SLC16A7: variants seen among roughly 807,000 people sequenced by gnomAD.
SLC16A7 encodes the protein solute carrier family 16 member 7, also known as monocarboxylate transporter 2.
Under a neutral mutation model 34.9 loss-of-function variants are expected in SLC16A7, and 33 were observed. That is an observed-to-expected ratio of 0.94 (90% CI 0.72 to 1.26). The LOEUF is 1.26. Ranked by LOEUF, SLC16A7 falls within the 50% of genes most tolerant of loss-of-function variation. The pLI is 0.00. For synonymous variants in SLC16A7, 201 were observed against 206.6 expected (o/e 0.97, Z 0.23); for missense variants, 573 against 578.1 (o/e 0.99, Z 0.09).
intron 1 of SLC16A7, among the ~76,000 whole-genome samples, chr12:59,638,148 T>A (rs1880520210): frequency 6.6e-6 from 1 of 152,082 alleles, no homozygotes; most frequent in Non-Finnish European, 1.5e-5. Context: ...TGGATAAAAG[T>A]ATGGGTAAAA....
intron 2 of SLC16A7, among the ~76,000 whole-genome samples, chr12:59,670,864 G>T (rs1020019942): frequency 1.3e-5 from 2 of 152,180 alleles, no homozygotes; most frequent in South Asian, 4.1e-4. Context: ...ACCCTGGTTG[G>T]TAGCCCTGAC....
chr12:59,599,294 T>G (rs1243781080), intron 1 of SLC16A7, among the ~76,000 whole-genome samples: 1 of 152,194 alleles, frequency 6.6e-6, no homozygotes, highest in Non-Finnish European at 1.5e-5. Flanking sequence ...TGGCAGGAAA[T>G]CCAGCATGAA....
intron 2 of SLC16A7, among the ~76,000 whole-genome samples, chr12:59,660,034 G>A (rs1449020818): frequency 6.6e-6 from 1 of 151,806 alleles, no homozygotes; most frequent in Admixed American, 6.6e-5. Flanking sequence ...ACTAAATCAA[G>A]GTGTTTTGTT....
At chr12:59,616,277 G>A (rs755640315) in intron 1 of SLC16A7, among the ~76,000 whole-genome samples, 1 of 152,108 alleles carries the variant, frequency 6.6e-6, no homozygotes, top group Non-Finnish European at 1.5e-5. Context: ...ACATCATTTT[G>A]TGGAAACATT....
chr12:59,776,467 A>G (rs532373683), intron 5 of SLC16A7, among the ~76,000 whole-genome samples: 2 of 152,298 alleles, frequency 1.3e-5, no homozygotes, highest in East Asian at 1.9e-4. Flanking sequence ...CCAGCAACCA[A>G]TGTATATTGT....
intron 1 of SLC16A7, among the ~76,000 whole-genome samples, chr12:59,614,117 C>G (rs1879329573): frequency 6.7e-6 from 1 of 149,054 alleles, no homozygotes. Flanking sequence ...GTGGTGCGAT[C>G]TCGACTCACT....
intron 1 of SLC16A7, among the ~76,000 whole-genome samples, chr12:59,650,629 ATC>A (rs1868327394): frequency 6.6e-6 from 1 of 152,160 alleles, no homozygotes; most frequent in South Asian, 2.1e-4. Flanking sequence ...ACAAAAATCT[ATC>A]TCTCTGTAGT....
chr12:59,770,743 T>A (rs557015834), intron 3 of SLC16A7, among the ~76,000 whole-genome samples: 2 of 152,166 alleles, frequency 1.3e-5, no homozygotes, highest in East Asian at 3.9e-4. Flanking sequence ...TAAAGAAAAA[T>A]CACTGTTGAA....
intron 1 of SLC16A7, among the ~76,000 whole-genome samples, chr12:59,636,617 C>A (rs1310136104): frequency 6.6e-6 from 1 of 152,008 alleles, no homozygotes; most frequent in Non-Finnish European, 1.5e-5. Context: ...GTGTGCACCA[C>A]CACACCTAGC....
intron 2 of SLC16A7, among the ~76,000 whole-genome samples, chr12:59,671,702 GTATA>G (rs1242389891): frequency 1.4e-5 from 2 of 145,208 alleles, no homozygotes; most frequent in Non-Finnish European, 3.0e-5. Context: ...GTGTGTGTGT[GTATA>G]TATATATGTG....
intron 3 of SLC16A7, among the ~76,000 whole-genome samples, chr12:59,749,905 G>T (rs1225137961): frequency 6.6e-6 from 1 of 152,136 alleles, no homozygotes; most frequent in African/African-American, 2.4e-5. Context: ...GGAGATGAAA[G>T]TTTCCAAACC....
chr12:59,722,216 A>G (rs1227896795), intron 3 of SLC16A7, among the ~76,000 whole-genome samples: 1 of 151,956 alleles, frequency 6.6e-6, no homozygotes, highest in African/African-American at 2.4e-5. Flanking sequence ...CATTGGAGCC[A>G]TGCTTTGACT....
chr12:59,674,343 T>C (rs1173765330), intron 2 of SLC16A7, among the ~76,000 whole-genome samples: 2 of 152,216 alleles, frequency 1.3e-5, no homozygotes, highest in Admixed American at 1.3e-4. Flanking sequence ...GCTAGCACAC[T>C]GGACTTCTGC....
chr12:59,779,657 C>T lies in SLC16A7; in HGVS notation c.1415C>T (p.Ser472Leu). 5 of 1,609,122 alleles carry T rather than the reference C, an allele frequency of 3.1e-6. No homozygotes were observed. The African/African-American group carries it at 4.0e-5, about 13-fold the overall frequency. ...VKVSNAQSVT[S>L]ERETNI ...GTTTCAAATGCACAGAGTGTAACCTCAGAAAGAGAAACTAACATTTAACAA... is the reference window on the plus strand; with the variant it reads ...GTTTCAAATGCACAGAGTGTAACCTTAGAAAGAGAAACTAACATTTAACAA... Residue 472 changes from serine to leucine, a missense_variant, in exon 6 of 6, where the codon TCA (serine) becomes TTA (leucine). Transcript: ENST00000547379.
intron 1 of SLC16A7, among the ~76,000 whole-genome samples, chr12:59,646,596 T>C (rs909868582): frequency 6.6e-6 from 1 of 152,116 alleles, no homozygotes; most frequent in Non-Finnish European, 1.5e-5. Flanking sequence ...AATGTGTGGT[T>C]GGAAGCTCCC....
At chr12:59,707,082 G>A (rs1490530663) in intron 3 of SLC16A7, among the ~76,000 whole-genome samples, 1 of 152,220 alleles carries the variant, frequency 6.6e-6, no homozygotes, top group East Asian at 1.9e-4. Flanking sequence ...TGCTCCATCT[G>A]TTGGACAAAT....
At chr12:59,691,802 C>A (rs1871688628) in intron 2 of SLC16A7, among the ~76,000 whole-genome samples, 1 of 151,892 alleles carries the variant, frequency 6.6e-6, no homozygotes, top group East Asian at 1.9e-4. Context: ...TATACATTTT[C>A]TAATGACTTT....
intron 3 of SLC16A7, among the ~76,000 whole-genome samples, chr12:59,751,714 G>T (rs1221491068): frequency 6.6e-6 from 1 of 152,220 alleles, no homozygotes; most frequent in Non-Finnish European, 1.5e-5. Flanking sequence ...AACCTCTGCA[G>T]ACTTAAATGT....
chr12:59,684,794 A>G (rs781737135), intron 2 of SLC16A7, among the ~76,000 whole-genome samples: 27 of 152,208 alleles, frequency 1.8e-4, no homozygotes, highest in Non-Finnish European at 3.4e-4. Context: ...TTAAATTAGT[A>G]TCAAGTTGAT....
Sources: allele counts gnomAD v4.1 joint callset (sites outside exome capture counted in the v4.1 genomes callset), GRCh38; gene constraint gnomAD v4.1.1; transcripts MANE v1.5; gene names NCBI Gene and HGNC (gene_info 2026-07-23, HGNC 2026-07-21).